ZBTB49: variants seen among roughly 807,000 people sequenced by gnomAD.
The protein encoded by ZBTB49 is zinc finger and BTB domain-containing protein 49.
In ZBTB49, 43 loss-of-function variants were observed where a neutral mutation model predicts 57.5. That is an observed-to-expected ratio of 0.75 (90% confidence interval 0.59 to 0.97). The LOEUF (loss-of-function observed/expected upper bound fraction) is 0.97. ZBTB49 is among the 50% of genes least tolerant of loss of function. The pLI is 0.00. For synonymous variants in ZBTB49, 369 were observed against 362.1 expected, an observed-to-expected ratio of 1.02 and a Z score of -0.22; for missense variants, 938 against 947.7, an observed-to-expected ratio of 0.99 and a Z score of 0.13.
rs1267597651 is a variant in ZBTB49, at chr4:4,302,937, T to G, written c.1101T>G (p.Phe367Leu). Residue 367 changes from phenylalanine to leucine, a missense_variant, in exon 3 of 8, where the codon TTT (phenylalanine) becomes TTG (leucine). By Grantham distance (22) the Phe-to-Leu change is conservative. Around this residue, in one of 3 missense-constraint regions of ZBTB49, gnomAD observed 835 missense variants for 819.1 expected, o/e 1.02. Coordinates refer to ENST00000337872, the MANE Select transcript of ZBTB49 (RefSeq NM_145291.4). ...AAGAAGTCGTCAGTTGTGAGAATTT[T>G]AATTGCATTAGTGAGACGGAGAGGC... ...ESEEVVSCENFNCISETERPE... is the reference protein window; with the variant it reads ...ESEEVVSCENLNCISETERPE... The G allele has an allele frequency of 2.5e-6, 4 of 1,614,240 alleles. No individual in the cohort carries two copies. The highest frequency in any genetic ancestry group is 3.4e-6 in the Non-Finnish European group (4 of 1,180,048).
chr4:4,290,563 G>C (rs1719841526), intron 1 of ZBTB49, among the ~76,000 whole-genome samples: 1 of 152,248 alleles, frequency 6.6e-6, no homozygotes, highest in Non-Finnish European at 1.5e-5. Context: ...CAGGGGACGC[G>C]GACTGAGACC....
At chr4:4,300,941 A>G (rs1413017293) in intron 2 of ZBTB49, among the ~76,000 whole-genome samples, 1 of 152,126 alleles carries the variant, frequency 6.6e-6, no homozygotes, top group African/African-American at 2.4e-5. Context: ...AACGTGGGAC[A>G]TGATTTGCTC....
chr4:4,303,760 C>CTCTCTCTCTCTCTCTGTGTGTGTG lies in ZBTB49; in HGVS notation c.1255+670_1255+671insCTCTCTCTCTCTCTGTGTGTGTGT, dbSNP rs1223289249. ...TCTCTCTCTCTCTCTCTCTCTCTCT[C>CTCTCTCTCTCTCTCTGTGTGTGTG]TGTGTGTGTGTCTCTCTCTCTCTCT... On this transcript the variant is annotated intron_variant, in intron 3 of 7. Transcript: ENST00000337872. 7.8e-3 allele frequency among the ~76,000 whole-genome samples: 946 copies of CTCTCTCTCTCTCTCTGTGTGTGTG among 121,224 alleles called. 14 individuals are homozygous for CTCTCTCTCTCTCTCTGTGTGTGTG. Among genetic ancestry groups the CTCTCTCTCTCTCTCTGTGTGTGTG allele is most frequent in the Middle Eastern group, 9.3e-3 (2 of 214 alleles). The allele number at this position is 121,224 out of a possible 152,430, so 79.5% of individuals were successfully genotyped here. A position where few individuals can be genotyped will look rare whatever the true frequency, so the allele number is the denominator to read the frequency against.
Position 4,320,857 on chromosome 4 carries a change from C to G in ZBTB49, c.1839C>G (p.Ser613Arg). 3 of 1,614,226 alleles carry G rather than the reference C, an allele frequency of 1.9e-6. No individual in the cohort carries two copies. The highest frequency in any genetic ancestry group is 2.5e-6 in the Non-Finnish European group (3 of 1,180,046). ...CCTCCGACCTCGAGAAATCTCAGAG[C>G]TCAGACTCTTTCTCCCAAGACACGT... ...IETSDLEKSQ[S>R]SDSFSQDTSV... Residue 613 changes from serine (S) to arginine (R), a missense_variant, in exon 8 of 8, where the codon AGC (serine) becomes AGG (arginine). Transcript: ENST00000337872.
chr4:4,300,245 A>G (rs187700332), intron 2 of ZBTB49, 148 bp downstream of exon 2: 191 of 892,984 alleles, frequency 2.1e-4, no homozygotes, highest in Non-Finnish European at 2.6e-4. Flanking sequence ...TTAATTTTTA[A>G]GTTTGTTAAC....
At chr4:4,294,857 T>C (rs2980160) in intron 1 of ZBTB49, among the ~76,000 whole-genome samples, 107,948 of 149,840 alleles carry the variant, frequency 0.72, 40,952 homozygotes, top group Non-Finnish European at 0.83. Context: ...TTAACAGGTC[T>C]GTGGAGGAGG....
Position 4,321,165 on chromosome 4 carries a change from T to C in ZBTB49, c.2147T>C (p.Leu716Pro). The C allele has an allele frequency of 1.9e-6, 3 of 1,614,208 alleles. No individual in the cohort carries two copies. In the South Asian group the frequency reaches 3.3e-5, roughly 18 times the overall value. ...GGCATGGCCATGATCCGTTCCTCTCTGGCTGCTTTGGACAACCACGGCGGT... is the reference window on the plus strand; with the variant it reads ...GGCATGGCCATGATCCGTTCCTCTCCGGCTGCTTTGGACAACCACGGCGGT... ...ADGMAMIRSS[L>P]AALDNHGGDP... The change falls in exon 8 of 8, where the codon CTG becomes CCG. Residue 716 changes from leucine to proline, a missense_variant. Physicochemically the swap from Leu to Pro is moderately conservative, Grantham distance 98. Coordinates refer to ENST00000337872, the MANE Select transcript of ZBTB49 (RefSeq NM_145291.4).
chr4:4,301,860 T>C, intron 2 of ZBTB49, 129 bp from the exon 3 acceptor site: 1 of 963,274 alleles, frequency 1.0e-6, no homozygotes, highest in Non-Finnish European at 1.4e-6. Context: ...GATTAAAATG[T>C]ACTTATGTTA....
chr4:4,291,748 C>G (rs960631655), intron 1 of ZBTB49, among the ~76,000 whole-genome samples: 3 of 152,212 alleles, frequency 2.0e-5, no homozygotes, highest in African/African-American at 7.2e-5. Flanking sequence ...GTCTGGCAAA[C>G]TTAACTCACA....
chr4:4,305,742 A>C (rs1346903229), intron 3 of ZBTB49, among the ~76,000 whole-genome samples: 1 of 152,182 alleles, frequency 6.6e-6, no homozygotes, highest in Non-Finnish European at 1.5e-5. Flanking sequence ...TGTGGTGTGA[A>C]CCAGTGACCC....
chr4:4,301,558 ATAT>A (rs1404804322), intron 2 of ZBTB49, among the ~76,000 whole-genome samples: 1 of 152,298 alleles, frequency 6.6e-6, no homozygotes, highest in East Asian at 1.9e-4. Flanking sequence ...TGAAAAGTAT[ATAT>A]TATTTAATTT....
At chr4:4,313,908 A>G (rs1721080736) in intron 5 of ZBTB49, among the ~76,000 whole-genome samples, 1 of 152,116 alleles carries the variant, frequency 6.6e-6, no homozygotes, top group Non-Finnish European at 1.5e-5. Context: ...CATTTTTTAG[A>G]CACCTGCTGT....
chr4:4,313,276 T>G (rs1285625999), intron 5 of ZBTB49, among the ~76,000 whole-genome samples, 162 bp downstream of exon 5: 1 of 152,124 alleles, frequency 6.6e-6, no homozygotes. Context: ...GCTTTGCATG[T>G]GACACACGAG....
intron 2 of ZBTB49, among the ~76,000 whole-genome samples, chr4:4,300,446 G>A (rs186919252): frequency 8.5e-5 from 13 of 152,054 alleles, no homozygotes; most frequent in African/African-American, 1.9e-4. Context: ...TTAAGTTCCC[G>A]GTCAGAATTT....
chr4:4,309,704 G>A (rs1459156369), intron 4 of ZBTB49, among the ~76,000 whole-genome samples: 8 of 152,208 alleles, frequency 5.3e-5, no homozygotes, highest in African/African-American at 1.9e-4. Flanking sequence ...TTTCCAGGGT[G>A]CTGATGTGGA....
At chr4:4,297,956 C>T (rs142263582) in intron 1 of ZBTB49, among the ~76,000 whole-genome samples, 8 of 152,284 alleles carry the variant, frequency 5.3e-5, no homozygotes, top group African/African-American at 1.4e-4. Context: ...GCCTGTGATG[C>T]GGTTACCAGG....
chr4:4,302,200 G>C lies in ZBTB49; in HGVS notation c.364G>C (p.Val122Leu), dbSNP rs113133990. The change falls in exon 3 of 8, where the codon GTA (valine) becomes CTA (leucine). Residue 122 changes from valine (V) to leucine (L), a missense_variant. Val to Leu is a conservative substitution (Grantham distance 32). Around this residue, in one of 3 missense-constraint regions of ZBTB49, gnomAD observed 835 missense variants for 819.1 expected, o/e 1.02. Transcript: ENST00000337872. ...TCACACATTTTTAAAATCAGCCACT[G>C]TAGTACAGCCACCTGGCATGCCTTG... ...LCHTFLKSAT[V>L]VQPPGMPCNS... 261 of 1,614,244 alleles carry C rather than the reference G, an allele frequency of 1.6e-4. 1 individual carries two copies. In the African/African-American group the frequency reaches 3.3e-3, roughly 20 times the overall value.
chr4:4,321,286 G>C lies in ZBTB49; in HGVS notation c.2268G>C (p.Thr756=), dbSNP rs757159419. The C allele has an allele frequency of 1.2e-6, 2 of 1,612,822 alleles. No homozygotes were observed. Among genetic ancestry groups the C allele is most frequent in the African/African-American group, 1.3e-5 (1 of 74,924 alleles). ...CTCTCTGGGGGCTAGCGATGAAGAC[G>C]CTGCAGAATGAAAACGAGTTAGACC... ...SMTLWGLAMK[T]LQNENELDQ is the part of the protein sequence containing the mutation. The change falls in exon 8 of 8, where the codon ACG becomes ACC. Residue 756 remains threonine, a synonymous_variant. Coordinates refer to ENST00000337872, the MANE Select transcript of ZBTB49 (RefSeq NM_145291.4).
At chr4:4,313,683 AAATGAGG>A (rs1721072238) in intron 5 of ZBTB49, among the ~76,000 whole-genome samples, 1 of 152,182 alleles carries the variant, frequency 6.6e-6, no homozygotes, top group Non-Finnish European at 1.5e-5. Flanking sequence ...AGCGTGGTAT[AAATGAGG>A]AGCTCTTCCC....
Sources: gnomAD v4.1 joint callset for allele counts (sites outside exome capture counted in the v4.1 genomes callset) on GRCh38, gnomAD v4.1.1 for gene constraint, gnomAD v4.1.1 regional missense constraint, MANE v1.5 for transcripts, NCBI Gene and HGNC (gene_info 2026-07-23, HGNC 2026-07-21) for gene names.